AGBL3: variants seen among roughly 807,000 people sequenced by gnomAD.
AGBL3 encodes cytosolic carboxypeptidase 3.
AGBL3 carries 68 observed loss-of-function variants against 94.5 expected under a neutral mutation model. The ratio of observed to expected loss-of-function variants is 0.72; its 90% confidence interval spans 0.59 to 0.88. AGBL3 has a LOEUF of 0.88. Among genes scored for constraint, AGBL3 ranks in the 40% least tolerant of loss-of-function variants. The pLI, the probability that AGBL3 is intolerant of heterozygous loss-of-function variation, is 0.00. For synonymous variants in AGBL3, 354 were observed against 370.7 expected (o/e 0.95, Z 0.52); for missense variants, 934 against 1,103.8 (o/e 0.85, Z 2.18).
chr7:135,037,341 A>G, intron 7 of AGBL3, 77 bp from the exon 8 acceptor site: 1 of 1,226,570 alleles, frequency 8.2e-7, no homozygotes, highest in Non-Finnish European at 1.1e-6. Context: ...TGGATATTAC[A>G]CTTATAAATC....
intron 9 of AGBL3, among the ~76,000 whole-genome samples, chr7:135,044,407 A>C (rs1817155468): frequency 6.6e-6 from 1 of 152,124 alleles, no homozygotes; most frequent in Non-Finnish European, 1.5e-5. Context: ...GTAATCTTTA[A>C]ATGCTTGTTG....
At chr7:135,110,999 C>T (rs1825556285) in intron 15 of AGBL3, among the ~76,000 whole-genome samples, 1 of 152,130 alleles carries the variant, frequency 6.6e-6, no homozygotes, top group Non-Finnish European at 1.5e-5. Context: ...TGATCAGCTA[C>T]CTCTTCCATT....
chr7:135,039,847 G>A (rs1024659488), intron 8 of AGBL3, among the ~76,000 whole-genome samples: 8 of 151,782 alleles, frequency 5.3e-5, no homozygotes, highest in African/African-American at 1.9e-4. Flanking sequence ...AAGAGAAGCA[G>A]GTCAATGAAA....
At chr7:135,057,034 C>A (rs745956918) in intron 11 of AGBL3, among the ~76,000 whole-genome samples, 1 of 151,950 alleles carries the variant, frequency 6.6e-6, no homozygotes, top group Non-Finnish European at 1.5e-5. Context: ...AAAGAACAGA[C>A]AAATAGACCA....
chr7:135,065,091 A>G (rs947933591), intron 12 of AGBL3, among the ~76,000 whole-genome samples: 4 of 152,198 alleles, frequency 2.6e-5, no homozygotes, highest in Non-Finnish European at 5.9e-5. Flanking sequence ...ACATCCTCCT[A>G]TATAGTAGTT....
intron 8 of AGBL3, among the ~76,000 whole-genome samples, chr7:135,041,537 T>C (rs1227921385): frequency 6.6e-6 from 1 of 152,100 alleles, no homozygotes; most frequent in African/African-American, 2.4e-5. Context: ...GTCGGAACAA[T>C]TGAACATCCA....
intron 15 of AGBL3, among the ~76,000 whole-genome samples, chr7:135,102,032 G>A (rs1488272402): frequency 1.3e-5 from 2 of 152,194 alleles, no homozygotes; most frequent in South Asian, 2.1e-4. Context: ...CACCATGATC[G>A]TGAGGCCTCC....
chr7:135,083,874 TC>T (rs1476921602), intron 15 of AGBL3, among the ~76,000 whole-genome samples: 2 of 152,078 alleles, frequency 1.3e-5, no homozygotes, highest in East Asian at 3.9e-4. Flanking sequence ...ACCGAGTAGG[TC>T]TTTGATGTCA....
chr7:135,100,792 A>C (rs1383615491), intron 15 of AGBL3, among the ~76,000 whole-genome samples: 1 of 152,220 alleles, frequency 6.6e-6, no homozygotes, highest in African/African-American at 2.4e-5. Flanking sequence ...GGTAATAGAA[A>C]AAGTACTGCA....
At chr7:135,044,995 A>G (rs993885428) in intron 9 of AGBL3, among the ~76,000 whole-genome samples, 2 of 138,088 alleles carry the variant, frequency 1.4e-5, no homozygotes, top group Non-Finnish European at 3.1e-5. Flanking sequence ...TAGTTTACTG[A>G]GAATGATGAT....
intron 15 of AGBL3, among the ~76,000 whole-genome samples, chr7:135,085,039 A>G (rs560902984): frequency 2.0e-5 from 3 of 152,230 alleles, no homozygotes; most frequent in African/African-American, 7.2e-5. Flanking sequence ...TAGCTATTCT[A>G]ACAGATATGA....
chr7:135,102,759 CA>C lies in AGBL3; in HGVS notation c.2111-12612del, dbSNP rs371654709. Among the ~76,000 whole-genome samples the C allele has an allele frequency of 2.0e-3, 300 of 148,404 alleles. 1 individual carries two copies. Among genetic ancestry groups the C allele is most frequent in the African/African-American group, 6.8e-3 (277 of 40,468 alleles). On this transcript the variant is annotated intron_variant, in intron 15 of 16. Transcript: ENST00000436302. ...CCCTAACCCTTGTCTTACACCATAG[CA>C]AAAAAAAATTAACTCAAAATGGATC...
intron 12 of AGBL3, among the ~76,000 whole-genome samples, chr7:135,069,847 A>G (rs1424934772): frequency 3.3e-5 from 5 of 152,250 alleles, no homozygotes; most frequent in Admixed American, 1.3e-4. Flanking sequence ...TTCAAAAGCT[A>G]GCAGAAGGCA....
intron 11 of AGBL3, among the ~76,000 whole-genome samples, chr7:135,058,911 C>A (rs1818575796): frequency 6.6e-6 from 1 of 152,156 alleles, no homozygotes; most frequent in Non-Finnish European, 1.5e-5. Flanking sequence ...CAAGTGCCAC[C>A]ATGCCCAGCT....
chr7:135,135,167 A>C lies in AGBL3; in HGVS notation c.2669A>C (p.His890Pro). The change falls in exon 17 of 17, where the codon CAT (histidine) becomes CCT (proline). Residue 890 changes from histidine (H) to proline (P), a missense_variant. Coordinates refer to ENST00000436302, the MANE Select transcript of AGBL3 (RefSeq NM_178563.4). ...AEETNQQSSK[H>P]TALHLTKNKD... Reference sequence around the variant, plus strand: ...GAAACTAACCAGCAAAGCTCTAAGCATACAGCCCTCCATCTAACTAAAAAT... The same window carrying C: ...GAAACTAACCAGCAAAGCTCTAAGCCTACAGCCCTCCATCTAACTAAAAAT... The C allele has an allele frequency of 1.3e-6, 2 of 1,551,078 alleles. No homozygotes were observed. The highest frequency in any genetic ancestry group is 2.4e-5 in the South Asian group (2 of 84,044).
intron 4 of AGBL3, among the ~76,000 whole-genome samples, chr7:135,015,088 C>A (rs1813608995): frequency 6.6e-6 from 1 of 152,118 alleles, no homozygotes; most frequent in South Asian, 2.1e-4. Flanking sequence ...AAGATAGCTG[C>A]AAAATCTATC....
rs534302175 is a variant in AGBL3, at chr7:135,060,146, C to T, written c.1908+911C>T. On this transcript the variant is annotated intron_variant, in intron 12 of 16. Coordinates refer to ENST00000436302, the MANE Select transcript of AGBL3 (RefSeq NM_178563.4). ...CACTGTTAATAGTCTACCTCAAAACCTCTTTTTCCAGTGACCCAAGTCTAT... is the reference window on the plus strand; with the variant it reads ...CACTGTTAATAGTCTACCTCAAAACTTCTTTTTCCAGTGACCCAAGTCTAT... 9.9e-5 allele frequency among the ~76,000 whole-genome samples: 15 copies of T among 152,280 alleles called. No homozygotes were observed. In the South Asian group the frequency reaches 2.5e-3, roughly 25 times the overall value.
At position 135,121,556 on chromosome 7, in the gene AGBL3, A is replaced by C. The variant is rs1371716908; in HGVS notation, c.2342+5945A>C. ...TCAATAGCCAAAGGGTAATAGGAAA[A>C]AAAAAAAAAAACCTAAACATTTGGA... On this transcript the variant is annotated intron_variant, in intron 16 of 16. Transcript: ENST00000436302. Among the ~76,000 whole-genome samples the C allele has an allele frequency of 3.3e-5, 5 of 152,022 alleles. No homozygotes were observed. In the East Asian group the frequency reaches 9.6e-4, roughly 29 times the overall value.
At chr7:135,022,319 C>T (rs1254239784) in intron 5 of AGBL3, among the ~76,000 whole-genome samples, 1 of 152,222 alleles carries the variant, frequency 6.6e-6, no homozygotes, top group Non-Finnish European at 1.5e-5. Context: ...CGCAGCCTCA[C>T]CAGCATCTGT....
Sources: gnomAD v4.1 joint callset for allele counts (sites outside exome capture counted in the v4.1 genomes callset) on GRCh38, gnomAD v4.1.1 for gene constraint, MANE v1.5 for transcripts, NCBI Gene and HGNC (gene_info 2026-07-23, HGNC 2026-07-21) for gene names.